The following MARCHF1 variants were observed in gnomAD, a reference collection of about 807,000 sequenced individuals.
The protein encoded by MARCHF1 is membrane associated ring-CH-type finger 1.
MARCHF1 carries 40 observed loss-of-function variants against 54.2 expected under a neutral mutation model. The ratio of observed to expected loss-of-function variants is 0.74; its 90% CI spans 0.57 to 0.96. The LOEUF is 0.96. Among genes scored for constraint, MARCHF1 ranks in the 40% least tolerant of loss-of-function variants. The pLI is 0.00. For missense variants in MARCHF1, 586 were observed against 656.5 expected (o/e 0.89, Z 1.17); for synonymous variants, 236 against 236.3 (o/e 1.00, Z 0.01).
intron 8 of MARCHF1, among the ~76,000 whole-genome samples, chr4:163,568,729 T>A (rs946773257): frequency 3.5e-4 from 54 of 152,224 alleles, no homozygotes; most frequent in African/African-American, 1.2e-3. Context: ...TCTAGGCTGC[T>A]GGGATCATCT....
chr4:164,127,094 A>G (rs1218408028), intron 1 of MARCHF1, among the ~76,000 whole-genome samples: 1 of 152,134 alleles, frequency 6.6e-6, no homozygotes, highest in Non-Finnish European at 1.5e-5. Flanking sequence ...GGAATATGTT[A>G]TTGGAAACTG....
At chr4:164,370,590 C>A (rs1474221709) in intron 1 of MARCHF1, among the ~76,000 whole-genome samples, 1 of 152,178 alleles carries the variant, frequency 6.6e-6, no homozygotes, top group African/African-American at 2.4e-5. Context: ...ATATTTACCA[C>A]ATAGACTATT....
At chr4:164,068,127 G>A (rs777112579) in intron 2 of MARCHF1, among the ~76,000 whole-genome samples, 6 of 152,212 alleles carry the variant, frequency 3.9e-5, no homozygotes, top group Non-Finnish European at 5.9e-5. Context: ...CGGTGAGAAT[G>A]TAAATTAGTT....
At chr4:164,368,981 G>A (rs1328166066) in intron 1 of MARCHF1, among the ~76,000 whole-genome samples, 1 of 152,164 alleles carries the variant, frequency 6.6e-6, no homozygotes, top group African/African-American at 2.4e-5. Flanking sequence ...TGGACAGAGG[G>A]AGAAGCTGAA....
intron 1 of MARCHF1, among the ~76,000 whole-genome samples, chr4:164,114,801 CAA>C (rs34571086): frequency 1.6e-5 from 2 of 125,428 alleles, no homozygotes; most frequent in African/African-American, 3.0e-5. Flanking sequence ...AGTGAATTAC[CAA>C]AAAAAAAAAA....
At chr4:163,712,537 C>G (rs1007809685) in intron 4 of MARCHF1, among the ~76,000 whole-genome samples, 1 of 152,176 alleles carries the variant, frequency 6.6e-6, no homozygotes, top group Non-Finnish European at 1.5e-5. Context: ...TTACTTCAAA[C>G]CTTTTTGTTC....
At chr4:163,656,641 G>A (rs772157686) in intron 5 of MARCHF1, among the ~76,000 whole-genome samples, 5 of 151,970 alleles carry the variant, frequency 3.3e-5, no homozygotes, top group African/African-American at 1.2e-4. Flanking sequence ...GATGAACATC[G>A]ATGCAGAAAT....
intron 4 of MARCHF1, among the ~76,000 whole-genome samples, chr4:163,706,087 T>A (rs1003264197): frequency 6.6e-6 from 1 of 152,108 alleles, no homozygotes; most frequent in Non-Finnish European, 1.5e-5. Context: ...AGTGGCATTA[T>A]ATCTCCCAGC....
chr4:163,678,910 T>C lies in MARCHF1; in HGVS notation c.162+21903A>G, dbSNP rs561295973. ...TAGCAGCTCCTTGTAGATAAAATAA[T>C]TTTATTTGATGGTTTTAAGCAACAT... On this transcript the variant is annotated intron_variant, in intron 5 of 9. Transcript: ENST00000514618. Among the ~76,000 whole-genome samples the C allele has an allele frequency of 6.6e-5, 10 of 152,316 alleles. No individual in the cohort carries two copies. The East Asian group carries it at 1.9e-3, about 29-fold the overall frequency.
At chr4:164,014,050 G>A (rs568498838) in intron 2 of MARCHF1, among the ~76,000 whole-genome samples, 1 of 151,856 alleles carries the variant, frequency 6.6e-6, no homozygotes, top group African/African-American at 2.4e-5. Flanking sequence ...AAATTAACTG[G>A]GCATGGTGAT....
At chr4:163,751,292 C>T (rs968552668) in intron 4 of MARCHF1, among the ~76,000 whole-genome samples, 3 of 151,802 alleles carry the variant, frequency 2.0e-5, no homozygotes, top group Admixed American at 6.6e-5. Flanking sequence ...CTTAGTATCC[C>T]GAGTAGCTGG....
intron 1 of MARCHF1, among the ~76,000 whole-genome samples, chr4:164,236,346 TGA>T (rs1732559076): frequency 6.6e-6 from 1 of 152,110 alleles, no homozygotes; most frequent in Non-Finnish European, 1.5e-5. Flanking sequence ...TGCTGCTGAC[TGA>T]TTAACACTGA....
chr4:163,678,640 C>T (rs937681751), intron 5 of MARCHF1, among the ~76,000 whole-genome samples: 1 of 152,144 alleles, frequency 6.6e-6, no homozygotes, highest in Non-Finnish European at 1.5e-5. Flanking sequence ...AGTTATGTGG[C>T]ATAAAGCTGA....
At chr4:164,331,408 G>A (rs1735430806) in intron 1 of MARCHF1, among the ~76,000 whole-genome samples, 1 of 152,152 alleles carries the variant, frequency 6.6e-6, no homozygotes, top group South Asian at 2.1e-4. Flanking sequence ...ATTTTGAAGA[G>A]AAATAATGTA....
At chr4:163,782,438 A>G (rs1031279769) in intron 4 of MARCHF1, among the ~76,000 whole-genome samples, 51 of 152,128 alleles carry the variant, frequency 3.4e-4, no homozygotes, top group Admixed American at 2.0e-4. Flanking sequence ...TGGGAGGCCG[A>G]GGTGGGTGGA....
intron 1 of MARCHF1, among the ~76,000 whole-genome samples, chr4:164,121,909 C>T (rs919670000): frequency 6.6e-6 from 1 of 151,948 alleles, no homozygotes; most frequent in Admixed American, 6.6e-5. Flanking sequence ...AACTACAGGC[C>T]AATATCTCTG....
chr4:163,895,703 A>G (rs1158363158), intron 3 of MARCHF1, among the ~76,000 whole-genome samples: 1 of 152,168 alleles, frequency 6.6e-6, no homozygotes, highest in African/African-American at 2.4e-5. Context: ...CAGGTTTCAC[A>G]GGGAAGGTGT....
At chr4:164,118,124 CA>C (rs58278560) in intron 1 of MARCHF1, among the ~76,000 whole-genome samples, 6,856 of 151,376 alleles carry the variant, frequency 0.045, 274 homozygotes, top group East Asian at 0.19. Flanking sequence ...AAGTCACTAA[CA>C]AAAAAACATA....
chr4:163,544,705 C>T (rs574334449), intron 9 of MARCHF1, among the ~76,000 whole-genome samples: 48 of 100,224 alleles, frequency 4.8e-4, no homozygotes, highest in African/African-American at 1.5e-3. Context: ...TTTCTTACCT[C>T]CTCTCTTTTT....
Sources: allele counts gnomAD v4.1 joint callset (sites outside exome capture counted in the v4.1 genomes callset), GRCh38; gene constraint gnomAD v4.1.1; transcripts MANE v1.5; gene names NCBI Gene and HGNC (gene_info 2026-07-23, HGNC 2026-07-21).